Variants in PDE6C observed in about 807,000 individuals in gnomAD.
PDE6C encodes the protein cone cGMP-specific 3',5'-cyclic phosphodiesterase subunit alpha'.
Under a neutral mutation model 113.1 loss-of-function variants are expected in PDE6C, and 75 were observed. That is an observed-to-expected ratio of 0.66 (90% CI 0.55 to 0.80). The LOEUF is 0.80. Among genes scored for constraint, PDE6C ranks in the 30% least tolerant of loss-of-function variants. The probability of loss-of-function intolerance (pLI) is 0.00; values close to 1 mark genes in which losing one functional copy is unlikely to be tolerated. For synonymous variants in PDE6C, 375 were observed against 363.7 expected (o/e 1.03, Z -0.35); for missense variants, 912 against 1,038.6 (o/e 0.88, Z 1.67).
intron 1 of PDE6C, among the ~76,000 whole-genome samples, chr10:93,619,468 C>T (rs1006265222): frequency 1.3e-5 from 2 of 151,814 alleles, no homozygotes; most frequent in African/African-American, 2.4e-5. Flanking sequence ...CTCTTGTTGC[C>T]CAGGCTGGAG....
chr10:93,659,763 C>T (rs1213727341), intron 18 of PDE6C, among the ~76,000 whole-genome samples: 1 of 152,196 alleles, frequency 6.6e-6, no homozygotes, highest in Non-Finnish European at 1.5e-5. Flanking sequence ...ATGGGAACTA[C>T]AATTCAAGAT....
intron 5 of PDE6C, 25 bp from the exon 6 acceptor site, chr10:93,626,615 C>T: frequency 7.8e-7 from 1 of 1,280,448 alleles, no homozygotes; most frequent in Middle Eastern, 1.8e-4. Context: ...AACATTATTC[C>T]CATAATATCC....
intron 8 of PDE6C, among the ~76,000 whole-genome samples, chr10:93,629,547 C>T (rs1389760549): frequency 6.6e-6 from 1 of 152,186 alleles, no homozygotes; most frequent in Non-Finnish European, 1.5e-5. Context: ...GCTCACACTC[C>T]TGGTCATTTA....
intron 16 of PDE6C, among the ~76,000 whole-genome samples, chr10:93,657,870 C>T (rs2058646177): frequency 6.6e-6 from 1 of 152,132 alleles, no homozygotes; most frequent in Non-Finnish European, 1.5e-5. Flanking sequence ...CACTCCCACA[C>T]ACAGTGTGCA....
chr10:93,636,034 G>A (rs1033178824), intron 10 of PDE6C, among the ~76,000 whole-genome samples: 17 of 152,322 alleles, frequency 1.1e-4, no homozygotes, highest in African/African-American at 3.1e-4. Context: ...ACCAGGCTTT[G>A]ATTGACAGTG....
intron 15 of PDE6C, among the ~76,000 whole-genome samples, chr10:93,649,499 T>G (rs1336523330): frequency 6.6e-6 from 1 of 152,200 alleles, no homozygotes; most frequent in Non-Finnish European, 1.5e-5. Context: ...ACAGGAAGCA[T>G]GGAGAGAAAG....
intron 18 of PDE6C, 117 bp from the exon 19 acceptor site, chr10:93,661,942 T>C: frequency 1.3e-6 from 1 of 757,112 alleles, no homozygotes; most frequent in Non-Finnish European, 2.4e-6. Context: ...AGCATACGGT[T>C]TGATAGCACC....
At chr10:93,627,465 T>C (rs2058479279) in intron 7 of PDE6C, among the ~76,000 whole-genome samples, 1 of 152,150 alleles carries the variant, frequency 6.6e-6, no homozygotes, top group Admixed American at 6.5e-5. Context: ...TGGAATCCAA[T>C]GACTATGATT....
chr10:93,612,787 A>G lies in PDE6C; in HGVS notation c.62A>G (p.Lys21Arg), dbSNP rs2058397566. The change falls in exon 1 of 22, where the codon AAG (lysine) becomes AGG (arginine). Residue 21 changes from lysine to arginine, a missense_variant. Physicochemically the swap from Lys to Arg is conservative, Grantham distance 26. Transcript: ENST00000371447. The part of the protein sequence containing the change: ...KYLEENPQFA[K>R]EYFDRKLRVE... ...CTGGAGGAGAACCCTCAGTTTGCCA[A>G]GGAGTACTTTGACAGGAAGTTGCGG... is the stretch of plus-strand genomic sequence containing the variant. 1 of 1,614,202 alleles carries G rather than the reference A, an allele frequency of 6.2e-7. No homozygotes were observed.
chr10:93,658,985 TCCAA>T lies in PDE6C; in HGVS notation c.2126_2129del (p.Thr709ArgfsTer8), dbSNP rs769738331. On this transcript the variant is annotated frameshift_variant, in exon 17 of 22. Coordinates refer to ENST00000371447, the MANE Select transcript of PDE6C (RefSeq NM_006204.4). LOFTEE classifies it high-confidence loss of function. ...AAGCCATCAAATATGTAACTGTTGA[TCCAA>T]CCAAGAAAGAGATTATCATGTAGGT... is the stretch of plus-strand genomic sequence containing the variant. 8 of 1,609,224 alleles carry T rather than the reference TCCAA, an allele frequency of 5.0e-6. No individual in the cohort carries two copies. The highest frequency in any genetic ancestry group is 8.5e-7 in the Non-Finnish European group (1 of 1,175,714).
At chr10:93,640,390 A>G (rs2058553506) in intron 12 of PDE6C, 60 bp from the exon 13 acceptor site, 1 of 1,377,824 alleles carries the variant, frequency 7.3e-7, no homozygotes, top group South Asian at 1.2e-5. Context: ...TAAGATTGCC[A>G]CAGACCTTCT....
Position 93,625,575 on chromosome 10 carries a change from G to A in PDE6C, c.865G>A (p.Glu289Lys). Residue 289 changes from glutamate (E) to lysine (K), a missense_variant and splice_region_variant, in exon 5 of 22, where the codon GAA becomes AAA. Glu to Lys is a moderately conservative substitution (Grantham distance 56). Coordinates refer to ENST00000371447, the MANE Select transcript of PDE6C (RefSeq NM_006204.4). ...IGLLDMTKEK[E>K]FYDEWPIKLG... ...GATACTTAAATCTGATTGCCTCCAGGAATTCTACGATGAATGGCCAATCAA... is the reference window on the plus strand; with the variant it reads ...GATACTTAAATCTGATTGCCTCCAGAAATTCTACGATGAATGGCCAATCAA... 6.2e-7 allele frequency: 1 copy of A among 1,609,540 alleles called. No homozygotes were observed. The highest frequency in any genetic ancestry group is 1.1e-5 in the South Asian group (1 of 90,954).
chr10:93,635,674 T>C, intron 10 of PDE6C, 34 bp downstream of exon 10: 1 of 1,606,130 alleles, frequency 6.2e-7, no homozygotes, highest in South Asian at 1.1e-5. Context: ...GGACATAAGA[T>C]GTTACCTAAC....
intron 1 of PDE6C, among the ~76,000 whole-genome samples, chr10:93,613,861 A>T (rs1469821146): frequency 6.6e-6 from 1 of 152,236 alleles, no homozygotes; most frequent in Non-Finnish European, 1.5e-5. Context: ...AATGAATTCC[A>T]ATCAAGTAAG....
intron 1 of PDE6C, among the ~76,000 whole-genome samples, chr10:93,618,209 A>G (rs1369621347): frequency 6.6e-6 from 1 of 152,154 alleles, no homozygotes; most frequent in African/African-American, 2.4e-5. Flanking sequence ...CAAAAGAACT[A>G]CTTCTCATTC....
chr10:93,653,206 G>A (rs1442969290), intron 15 of PDE6C, among the ~76,000 whole-genome samples: 1 of 152,138 alleles, frequency 6.6e-6, no homozygotes, highest in African/African-American at 2.4e-5. Context: ...TCAGGGGCAG[G>A]TTAAGTGGGA....
At chr10:93,615,475 G>A (rs1226229415) in intron 1 of PDE6C, among the ~76,000 whole-genome samples, 5 of 152,252 alleles carry the variant, frequency 3.3e-5, no homozygotes, top group South Asian at 2.1e-4. Flanking sequence ...TCTGCCTCCC[G>A]GGTTCAAGCA....
intron 21 of PDE6C, among the ~76,000 whole-genome samples, chr10:93,664,482 G>C (rs962129515): frequency 2.6e-5 from 4 of 152,176 alleles, no homozygotes; most frequent in Admixed American, 6.5e-5. Flanking sequence ...TTGAAGGTGG[G>C]CTAAAAATGT....
At position 93,615,571 on chromosome 10, in the gene PDE6C, G is replaced by A. The variant is rs148146230; in HGVS notation, c.480+2366G>A. ...TAATTTTTGTATTTTTAGTAGAAACGGGGTTTCACCATGTTGGCCAGGCTG... is the reference window on the plus strand; with the variant it reads ...TAATTTTTGTATTTTTAGTAGAAACAGGGTTTCACCATGTTGGCCAGGCTG... On this transcript the variant is annotated intron_variant, in intron 1 of 21. Coordinates refer to ENST00000371447, the MANE Select transcript of PDE6C (RefSeq NM_006204.4). Among the ~76,000 whole-genome samples, 1,314 of 152,162 alleles carry A rather than the reference G, an allele frequency of 8.6e-3. 21 individuals are homozygous for A. The highest frequency in any genetic ancestry group is 0.03 in the African/African-American group (1,244 of 41,518).
Sources: gnomAD v4.1 joint callset for allele counts (sites outside exome capture counted in the v4.1 genomes callset) on GRCh38, gnomAD v4.1.1 for gene constraint, MANE v1.5 for transcripts, NCBI Gene and HGNC (gene_info 2026-07-23, HGNC 2026-07-21) for gene names.